Variants in PRKN observed in about 807,000 individuals in gnomAD.
PRKN encodes the protein parkin RBR E3 ubiquitin protein ligase.
In PRKN, 56 loss-of-function variants were observed where a neutral mutation model predicts 59.5. That is an observed-to-expected ratio of 0.94 (90% CI 0.76 to 1.18). The LOEUF is 1.18. Among genes scored for constraint, PRKN ranks in the 50% most tolerant of loss-of-function variants. The pLI is 0.00. For missense variants in PRKN, 657 were observed against 596.4 expected (o/e 1.10, Z -1.06); for synonymous variants, 250 against 222.1 (o/e 1.13, Z -1.12).
At chr6:162,351,230 TG>T (rs1166177790) in intron 2 of PRKN, among the ~76,000 whole-genome samples, 1 of 151,418 alleles carries the variant, frequency 6.6e-6, no homozygotes, top group African/African-American at 2.4e-5. Context: ...CAATAAAAAG[TG>T]GAAAATGAAG....
chr6:162,211,412 T>C (rs1285881780), intron 3 of PRKN, among the ~76,000 whole-genome samples: 5 of 152,224 alleles, frequency 3.3e-5, no homozygotes, highest in African/African-American at 7.2e-5. Context: ...TTCTACAAAT[T>C]GAATGTTATC....
intron 1 of PRKN, among the ~76,000 whole-genome samples, chr6:162,706,492 A>C (rs1185810688): frequency 6.6e-6 from 1 of 152,220 alleles, no homozygotes; most frequent in African/African-American, 2.4e-5. Context: ...GGGTTCTGTT[A>C]GGAAAGAAAT....
intron 2 of PRKN, among the ~76,000 whole-genome samples, chr6:162,408,411 A>C (rs1289205412): frequency 6.6e-6 from 1 of 152,156 alleles, no homozygotes; most frequent in Non-Finnish European, 1.5e-5. Context: ...TCAAAGAAGC[A>C]CTCACAAAAT....
intron 2 of PRKN, among the ~76,000 whole-genome samples, chr6:162,345,798 G>A (rs1190047290): frequency 6.6e-6 from 1 of 152,126 alleles, no homozygotes; most frequent in African/African-American, 2.4e-5. Flanking sequence ...AATAATGATA[G>A]GTTCTTACTT....
chr6:161,815,728 G>C (rs137984682), intron 6 of PRKN, among the ~76,000 whole-genome samples: 1 of 152,142 alleles, frequency 6.6e-6, no homozygotes, highest in Non-Finnish European at 1.5e-5. Context: ...AGACCCCAGC[G>C]GGAGCTCAGC....
chr6:162,251,717 G>C (rs780561782), intron 3 of PRKN, among the ~76,000 whole-genome samples: 23 of 152,046 alleles, frequency 1.5e-4, no homozygotes, highest in Non-Finnish European at 2.4e-4. Context: ...GGATATATAT[G>C]GTTAGTTATT....
chr6:161,916,165 A>G (rs1294859197), intron 6 of PRKN, among the ~76,000 whole-genome samples: 3 of 152,242 alleles, frequency 2.0e-5, no homozygotes, highest in Admixed American at 2.0e-4. Flanking sequence ...AGAAATTGTT[A>G]AGAAGAAAAG....
chr6:161,756,442 GAAAAA>G (rs57399165), intron 7 of PRKN, among the ~76,000 whole-genome samples: 40 of 74,708 alleles, frequency 5.4e-4, no homozygotes, highest in African/African-American at 1.9e-3. Flanking sequence ...ACCTTGTCTC[GAAAAA>G]AAAAAAAAAA....
chr6:162,225,301 C>T (rs1463349134), intron 3 of PRKN, among the ~76,000 whole-genome samples: 1 of 152,120 alleles, frequency 6.6e-6, no homozygotes, highest in African/African-American at 2.4e-5. Context: ...AAGCACCTCC[C>T]GAAGTTCCCA....
At chr6:161,896,094 T>C (rs958261699) in intron 6 of PRKN, among the ~76,000 whole-genome samples, 2 of 152,146 alleles carry the variant, frequency 1.3e-5, no homozygotes, top group African/African-American at 4.8e-5. Context: ...TGACGGGTGA[T>C]GAATAAATTA....
chr6:162,680,892 CTTA>C (rs1335203675), intron 1 of PRKN, among the ~76,000 whole-genome samples: 3 of 152,126 alleles, frequency 2.0e-5, no homozygotes, highest in East Asian at 1.9e-4. Context: ...CCGAATTGTC[CTTA>C]TTATTGTTTT....
rs1345272770 is a variant in PRKN at position 161,446,285 on chromosome 6, G to T, written c.1084-59408C>A. Among the ~76,000 whole-genome samples the T allele has an allele frequency of 6.6e-6, 1 of 152,180 alleles. No homozygotes were observed. Among genetic ancestry groups the T allele is most frequent in the Non-Finnish European group, 1.5e-5 (1 of 68,040 alleles). Reference sequence around the variant, plus strand: ...TCCCTTTGGGAAGGGAGGCTTGGAGGCTGCCTGGGGCTGAGCAGGGAGCAC... The same window carrying T: ...TCCCTTTGGGAAGGGAGGCTTGGAGTCTGCCTGGGGCTGAGCAGGGAGCAC... On this transcript the variant is annotated intron_variant, in intron 9 of 11. Coordinates refer to ENST00000366898, the MANE Select transcript of PRKN (RefSeq NM_004562.3). This position sits in a 1 kb window ranked among gnomAD's most constrained non-coding sequence, Gnocchi z 6.2.
At chr6:161,937,222 C>T (rs1779391582) in intron 6 of PRKN, among the ~76,000 whole-genome samples, 1 of 152,224 alleles carries the variant, frequency 6.6e-6, no homozygotes, top group Admixed American at 6.5e-5. Context: ...TCATCACTTA[C>T]AAAAGTGTCT....
At chr6:162,183,390 A>G (rs924065251) in intron 4 of PRKN, among the ~76,000 whole-genome samples, 1 of 152,158 alleles carries the variant, frequency 6.6e-6, no homozygotes, top group Admixed American at 6.5e-5. Context: ...CCCTGCCATC[A>G]TCATCTTCTG....
chr6:162,568,429 C>T, intron 1 of PRKN: 1 of 594,326 alleles, frequency 1.7e-6, no homozygotes. Context: ...CCTCTATGGG[C>T]AGCAGCAGCT....
intron 9 of PRKN, among the ~76,000 whole-genome samples, chr6:161,532,723 A>G (rs1713169336): frequency 6.6e-6 from 1 of 152,202 alleles, no homozygotes; most frequent in Admixed American, 6.5e-5. Context: ...TGTCATGGTC[A>G]GAAGGTCTTT....
At chr6:162,196,226 G>A (rs1192294577) in intron 4 of PRKN, among the ~76,000 whole-genome samples, 2 of 152,070 alleles carry the variant, frequency 1.3e-5, no homozygotes, top group African/African-American at 2.4e-5. Context: ...TCATGCCAAG[G>A]GACAGACTTA....
In PRKN at chr6:161,533,624, A is replaced by G. The variant is rs184884052; in HGVS notation, c.1083+15230T>C. Among the ~76,000 whole-genome samples the G allele has an allele frequency of 9.2e-5, 14 of 152,208 alleles. No individual in the cohort carries two copies. Among genetic ancestry groups the G allele is most frequent in the African/African-American group, 3.4e-4 (14 of 41,548 alleles). ...GCTAAGTAAACGTCACACCTGGTCA[A>G]ACCAATCTGTGAGCCCTACGTAAAT... is the stretch of plus-strand genomic sequence containing the variant. On this transcript the variant is annotated intron_variant, in intron 9 of 11. Transcript: ENST00000366898. The surrounding 1 kb of genome is among the most constrained non-coding windows in gnomAD (Gnocchi z 4.1).
intron 3 of PRKN, among the ~76,000 whole-genome samples, chr6:162,254,471 G>A (rs923428708): frequency 6.7e-6 from 1 of 149,252 alleles, no homozygotes; most frequent in African/African-American, 2.5e-5. Flanking sequence ...AAAAAAAAAA[G>A]GAAATATCCA....
Sources: gnomAD v4.1 joint callset for allele counts (sites outside exome capture counted in the v4.1 genomes callset) on GRCh38, gnomAD v4.1.1 for gene constraint, Gnocchi (gnomAD v3.1) non-coding constraint, MANE v1.5 for transcripts, NCBI Gene and HGNC (gene_info 2026-07-23, HGNC 2026-07-21) for gene names.